The following ZNF182 variants were observed in gnomAD, a reference collection of about 807,000 sequenced individuals.
The protein encoded by ZNF182 is zinc finger protein 21 (KOX 14).
ZNF182 carries 10 observed loss-of-function variants against 28.1 expected under a neutral mutation model. That is an observed-to-expected ratio of 0.36 (90% confidence interval 0.22 to 0.60). The LOEUF (loss-of-function observed/expected upper bound fraction) is 0.60. Among genes scored for constraint, ZNF182 ranks in the 20% least tolerant of loss-of-function variants. The probability of loss-of-function intolerance (pLI) is 0.75; values close to 1 mark genes in which losing one functional copy is unlikely to be tolerated. For missense variants in ZNF182, 352 were observed against 453.2 expected (o/e 0.78, Z 2.03); for synonymous variants, 156 against 158.7 (o/e 0.98, Z 0.13).
chrX:47,993,556 GA>G (rs1216526625), intron 3 of ZNF182, among the ~76,000 whole-genome samples: 1 of 111,677 alleles, frequency 9.0e-6, no homozygotes, highest in East Asian at 2.8e-4. Context: ...ACCTATGTAG[GA>G]ATTTGAGGAG....
intron 3 of ZNF182, among the ~76,000 whole-genome samples, chrX:47,990,059 T>G (rs2058936301): frequency 9.0e-6 from 1 of 110,702 alleles, no homozygotes; most frequent in Non-Finnish European, 1.9e-5. Flanking sequence ...TCAGGTCAAC[T>G]AGTCCACAAC....
chrX:47,977,576 A>C lies in ZNF182; in HGVS notation c.454T>G (p.Leu152Val), dbSNP rs782771316. 2.5e-6 allele frequency: 3 copies of C among 1,204,837 alleles called. No individual in the cohort carries two copies. In the African/African-American group the frequency reaches 5.2e-5, roughly 21 times the overall value. ...GCAGAACTTCTACTAAATAAGTCTAAATTATCTACCATATTATTTCCAAAT... is the reference window on the plus strand; with the variant it reads ...GCAGAACTTCTACTAAATAAGTCTACATTATCTACCATATTATTTCCAAAT... ...ESFGNNMVDN[L>V]DLFSRSSAEN... Residue 152 changes from leucine (L) to valine (V), a missense_variant, in exon 6 of 6, where the codon TTA (leucine) becomes GTA (valine). Physicochemically the swap from Leu to Val is conservative, Grantham distance 32. Coordinates refer to ENST00000376943, the MANE Select transcript of ZNF182 (RefSeq NM_001007088.2).
At chrX:47,992,133 A>T (rs2058944095) in intron 3 of ZNF182, among the ~76,000 whole-genome samples, 2 of 111,526 alleles carry the variant, frequency 1.8e-5, no homozygotes, top group African/African-American at 6.5e-5. Flanking sequence ...TGGCTCTCTC[A>T]CCCAAAGAAC....
chrX:47,992,090 G>C (rs1556900543), intron 3 of ZNF182, among the ~76,000 whole-genome samples: 1 of 111,329 alleles, frequency 9.0e-6, no homozygotes, highest in Non-Finnish European at 1.9e-5. Flanking sequence ...CACCCAGCCA[G>C]GAAATGTTCT....
intron 3 of ZNF182, among the ~76,000 whole-genome samples, chrX:47,990,399 G>C: frequency 9.0e-6 from 1 of 111,261 alleles, no homozygotes; most frequent in South Asian, 3.8e-4. Flanking sequence ...TATCTGAAGT[G>C]GGTAGCAGGA....
chrX:47,982,397 T>G (rs1377671821), intron 5 of ZNF182, among the ~76,000 whole-genome samples: 2 of 112,312 alleles, frequency 1.8e-5, no homozygotes, highest in African/African-American at 6.5e-5. Flanking sequence ...GTGGTGATGG[T>G]TGTACAACTC....
chrX:47,978,755 T>G (rs184599908), intron 5 of ZNF182, among the ~76,000 whole-genome samples: 10 of 112,705 alleles, frequency 8.9e-5, no homozygotes, highest in African/African-American at 3.2e-4. Context: ...GGCAGGTCAG[T>G]CTTTTCTAAA....
In ZNF182 at chrX:47,977,268, T is replaced by C. The variant is rs141915307; in HGVS notation, c.762A>G (p.Gln254=). Residue 254 remains glutamine, a synonymous_variant, in exon 6 of 6, where the codon CAA becomes CAG. Transcript: ENST00000376943. ...GCTECGKAFS[Q]KSQLIIHLRT... ...GCAAGTGTATAATGAGCTGAGATTTTTGGCTAAAAGCTTTTCCACATTCGG... is the reference window on the plus strand; with the variant it reads ...GCAAGTGTATAATGAGCTGAGATTTCTGGCTAAAAGCTTTTCCACATTCGG... 8.3e-7 allele frequency: 1 copy of C among 1,210,532 alleles called. No homozygotes were observed. Among genetic ancestry groups the C allele is most frequent in the African/African-American group, 1.7e-5 (1 of 57,527 alleles).
chrX:47,978,046 T>C (rs1192701019), intron 5 of ZNF182, among the ~76,000 whole-genome samples: 1 of 111,137 alleles, frequency 9.0e-6, no homozygotes. Context: ...GCGAAACTTA[T>C]ACCCTTGATC....
At chrX:48,000,331 G>A (rs1491004073) in intron 3 of ZNF182, among the ~76,000 whole-genome samples, 7 of 110,522 alleles carry the variant, frequency 6.3e-5, no homozygotes, top group African/African-American at 2.3e-4. Flanking sequence ...GGAGGCCGAG[G>A]TGGGCGGATC....
chrX:47,985,161 T>G (rs935018644), intron 3 of ZNF182, among the ~76,000 whole-genome samples: 3 of 112,045 alleles, frequency 2.7e-5, no homozygotes, highest in Non-Finnish European at 5.6e-5. Flanking sequence ...TTTTTAATGA[T>G]CAAAACCTAG....
intron 3 of ZNF182, chrX:47,988,589 G>A (rs1321554001): frequency 1.6e-5 from 8 of 489,628 alleles, no homozygotes; most frequent in Non-Finnish European, 2.9e-5. Context: ...GCAGATGCTG[G>A]TGTCATGCTT....
intron 3 of ZNF182, among the ~76,000 whole-genome samples, chrX:47,992,385 C>T (rs2058944890): frequency 9.0e-6 from 1 of 111,139 alleles, no homozygotes; most frequent in Non-Finnish European, 1.9e-5. Context: ...CTTATATAAC[C>T]ACCTACTGGT....
At chrX:47,999,702 T>C (rs2058972141) in intron 3 of ZNF182, among the ~76,000 whole-genome samples, 1 of 112,448 alleles carries the variant, frequency 8.9e-6, no homozygotes, top group Admixed American at 9.4e-5. Flanking sequence ...TAGCTAGAAA[T>C]TTTTGAATGT....
intron 3 of ZNF182, among the ~76,000 whole-genome samples, chrX:47,996,475 G>A (rs2058958948): frequency 9.0e-6 from 1 of 111,447 alleles, no homozygotes; most frequent in Non-Finnish European, 1.9e-5. Flanking sequence ...GGAATAAAAA[G>A]GGAGAAAAAC....
intron 3 of ZNF182, among the ~76,000 whole-genome samples, chrX:47,986,761 G>GTCTAAT (rs2058924666): frequency 8.9e-6 from 1 of 111,837 alleles, no homozygotes; most frequent in South Asian, 3.7e-4. Flanking sequence ...AGCTGCCAGG[G>GTCTAAT]CAGCTAGAAT....
In ZNF182 at chrX:47,976,505, T is replaced by C; in HGVS notation, c.1525A>G (p.Lys509Glu). 1 of 1,209,527 alleles carries C rather than the reference T, an allele frequency of 8.3e-7. No homozygotes were observed. The highest frequency in any genetic ancestry group is 1.1e-6 in the Non-Finnish European group (1 of 894,672). Residue 509 changes from lysine to glutamate, a missense_variant, in exon 6 of 6, where the codon AAG becomes GAG. By Grantham distance (56) the Lys-to-Glu change is moderately conservative (BLOSUM62 1). Transcript: ENST00000376943. ...ECGKAFREKS[K>E]LIIHQRIHTG... Reference sequence around the variant, plus strand: ...TGAATTCTCTGATGTATAATGAGCTTTGACTTTTCTCTGAAGGCTTTGCCA... The same window carrying C: ...TGAATTCTCTGATGTATAATGAGCTCTGACTTTTCTCTGAAGGCTTTGCCA...
intron 3 of ZNF182, 134 bp downstream of exon 3, chrX:48,002,461 T>G: frequency 1.1e-6 from 1 of 943,497 alleles, no homozygotes; most frequent in Non-Finnish European, 1.5e-6. Context: ...AATTTGGCCT[T>G]GATCTGTTGT....
At chrX:47,983,103 C>T (rs2058911905) in intron 4 of ZNF182, 65 bp from the exon 5 acceptor site, 11 of 1,131,444 alleles carry the variant, frequency 9.7e-6, no homozygotes, top group African/African-American at 1.8e-5. Context: ...GAAGAAGTTA[C>T]ATATTGGGGG....
Sources: gnomAD v4.1 joint callset for allele counts (sites outside exome capture counted in the v4.1 genomes callset) on GRCh38, gnomAD v4.1.1 for gene constraint, MANE v1.5 for transcripts, NCBI Gene and HGNC (gene_info 2026-07-23, HGNC 2026-07-21) for gene names.